CCDC191: variants seen among roughly 807,000 people sequenced by gnomAD.
The protein encoded by CCDC191 is coiled-coil domain-containing protein 191.
Under a neutral mutation model 114.0 loss-of-function variants are expected in CCDC191, and 99 were observed. That is an observed-to-expected ratio of 0.87 (90% CI 0.74 to 1.03). The LOEUF is 1.03. CCDC191 is among the 50% of genes least tolerant of loss of function. The pLI, the probability that CCDC191 is intolerant of heterozygous loss-of-function variation, is 0.00. For synonymous variants in CCDC191, 351 were observed against 376.0 expected, an observed-to-expected ratio of 0.93 and a Z score of 0.77; for missense variants, 973 against 1,087.0, an observed-to-expected ratio of 0.90 and a Z score of 1.47.
chr3:114,036,314 T>G (rs1197535675), intron 5 of CCDC191, among the ~76,000 whole-genome samples: 1 of 152,152 alleles, frequency 6.6e-6, no homozygotes, highest in African/African-American at 2.4e-5. Flanking sequence ...ATCTACGTGT[T>G]TATAATAGGA....
intron 6 of CCDC191, among the ~76,000 whole-genome samples, chr3:114,032,131 C>A (rs909460588): frequency 6.6e-6 from 1 of 151,180 alleles, no homozygotes; most frequent in Non-Finnish European, 1.5e-5. Context: ...TCCCATAGAA[C>A]GAGAAAAAAA....
At chr3:114,046,040 T>G (rs544525731) in intron 3 of CCDC191, among the ~76,000 whole-genome samples, 4 of 152,310 alleles carry the variant, frequency 2.6e-5, no homozygotes, top group African/African-American at 4.8e-5. Flanking sequence ...CAAATGGAAG[T>G]TGGCTTGTAG....
intron 13 of CCDC191, among the ~76,000 whole-genome samples, chr3:113,993,426 G>T (rs1317504878): frequency 6.6e-6 from 1 of 152,080 alleles, no homozygotes; most frequent in Non-Finnish European, 1.5e-5. Context: ...AGAACAGAGA[G>T]CCCAGAAATA....
At chr3:113,990,386 A>T (rs2075516906) in intron 13 of CCDC191, among the ~76,000 whole-genome samples, 1 of 152,082 alleles carries the variant, frequency 6.6e-6, no homozygotes, top group South Asian at 2.1e-4. Flanking sequence ...AGTTTTACTC[A>T]AGAAGAAAAA....
intron 13 of CCDC191, among the ~76,000 whole-genome samples, chr3:113,996,081 C>T (rs2075714007): frequency 6.6e-6 from 1 of 152,098 alleles, no homozygotes; most frequent in Non-Finnish European, 1.5e-5. Flanking sequence ...GGTTCCTATT[C>T]ACTTTTATGA....
chr3:114,056,319 C>T, intron 1 of CCDC191, 58 bp downstream of exon 1: 3 of 1,557,768 alleles, frequency 1.9e-6, no homozygotes, highest in Non-Finnish European at 2.7e-6. Context: ...GACTGGCTTC[C>T]TGACTGCGCC....
chr3:114,036,169 ATCTG>A (rs2107735701), intron 5 of CCDC191, among the ~76,000 whole-genome samples: 1 of 152,276 alleles, frequency 6.6e-6, no homozygotes, highest in South Asian at 2.1e-4. Context: ...TTCAATTCAG[ATCTG>A]TCTTCCATTT....
intron 7 of CCDC191, among the ~76,000 whole-genome samples, chr3:114,027,624 A>AAG (rs1559920011): frequency 2.1e-3 from 275 of 130,820 alleles, no homozygotes; most frequent in Non-Finnish European, 3.3e-3. Context: ...AAAAAAAAAG[A>AAG]AAAAAAAATC....
intron 13 of CCDC191, among the ~76,000 whole-genome samples, chr3:113,990,931 CA>C (rs35483860): frequency 0.39 from 19,350 of 49,458 alleles, 1,089 homozygotes; most frequent in East Asian, 0.44. Context: ...TAAAGCACCT[CA>C]AAAAAAAAAA....
At chr3:114,030,403 G>A (rs375634988) in intron 7 of CCDC191, among the ~76,000 whole-genome samples, 3 of 151,956 alleles carry the variant, frequency 2.0e-5, no homozygotes, top group African/African-American at 7.2e-5. Context: ...CTGAATACTC[G>A]TTTCTCTTCT....
intron 7 of CCDC191, among the ~76,000 whole-genome samples, chr3:114,021,703 C>T (rs1426887610): frequency 6.6e-6 from 1 of 152,090 alleles, no homozygotes; most frequent in Non-Finnish European, 1.5e-5. Context: ...CTTCCTGATG[C>T]TCCCAGGCCT....
rs145062166 is a variant in CCDC191, at chr3:113,978,201, G to A, written c.2591C>T (p.Ala864Val). 4.5e-3 allele frequency: 7,273 copies of A among 1,613,920 alleles called. 16 individuals are homozygous for A. Among genetic ancestry groups the A allele is most frequent in the Non-Finnish European group, 5.3e-3 (6,221 of 1,179,904 alleles). ...IDSQGKHEIA[A>V]EHSDRRILWI... is the part of the protein sequence containing the mutation. ...AAAACCTCACCTGTCACTGTGCTCC[G>A]CTGCAATCTCATGCTTGCCCTGAGA... is the stretch of plus-strand genomic sequence containing the variant. The change falls in exon 16 of 17, where the codon GCG (alanine) becomes GTG (valine). Residue 864 changes from alanine to valine, a missense_variant. Physicochemically the swap from Ala to Val is moderately conservative, Grantham distance 64. Coordinates refer to ENST00000295878, the MANE Select transcript of CCDC191 (RefSeq NM_020817.2).
intron 16 of CCDC191, among the ~76,000 whole-genome samples, chr3:113,967,974 T>G (rs987870670): frequency 2.6e-5 from 4 of 152,244 alleles, no homozygotes; most frequent in Admixed American, 2.0e-4. Context: ...GATTTCATTC[T>G]TTTTCATTAC....
rs767681602 is a variant in CCDC191, at chr3:114,053,631, G to A, written c.95C>T (p.Thr32Ile). 1.6e-5 allele frequency: 25 copies of A among 1,587,104 alleles called. No homozygotes were observed. The highest frequency in any genetic ancestry group is 2.1e-5 in the Non-Finnish European group (24 of 1,159,220). ...GTGTTCCACACTGTCAGGACCAAAA[G>A]TAGGCTGTAGATAACATATATATGA... ...RFTRKPSPKP[T>I]FGPDSVEHWI... Residue 32 changes from threonine to isoleucine, a missense_variant, in exon 2 of 17, where the codon ACT becomes ATT. By Grantham distance (89) the Thr-to-Ile change is moderately conservative (BLOSUM62 -1). Coordinates refer to ENST00000295878, the MANE Select transcript of CCDC191 (RefSeq NM_020817.2).
rs539245551 is a variant in CCDC191, at chr3:113,975,368, T to C, written c.2606+2818A>G. 1.6e-4 allele frequency among the ~76,000 whole-genome samples: 24 copies of C among 152,356 alleles called. No individual in the cohort carries two copies. In the South Asian group the frequency reaches 5.0e-3, roughly 32 times the overall value. On this transcript the variant is annotated intron_variant, in intron 16 of 16. Transcript: ENST00000295878. ...CATCCACAGCTCTTCTATATGGTAT[T>C]ATTTCATTCATATAAAATTGAATAT...
chr3:113,972,301 A>C (rs1022644615), intron 16 of CCDC191, among the ~76,000 whole-genome samples: 2 of 152,054 alleles, frequency 1.3e-5, no homozygotes, highest in African/African-American at 4.8e-5. Flanking sequence ...GTTTCAAGAA[A>C]TTTTTAAATT....
At chr3:113,974,835 G>A (rs1406276337) in intron 16 of CCDC191, among the ~76,000 whole-genome samples, 1 of 151,890 alleles carries the variant, frequency 6.6e-6, no homozygotes, top group African/African-American at 2.4e-5. Flanking sequence ...GGTTCATCTT[G>A]GCTCTAGTAA....
At chr3:114,042,571 A>T in intron 4 of CCDC191, 132 bp downstream of exon 4, 1 of 633,478 alleles carries the variant, frequency 1.6e-6, no homozygotes, top group Non-Finnish European at 2.5e-6. Flanking sequence ...ATGATAAATT[A>T]AAACCAATAA....
chr3:113,999,847 TTTAAG>T (rs1294223798), intron 13 of CCDC191, among the ~76,000 whole-genome samples: 6 of 152,244 alleles, frequency 3.9e-5, no homozygotes, highest in East Asian at 1.9e-4. Flanking sequence ...ATTTATGCTA[TTTAAG>T]TTATTTAAGT....
Sources: allele counts gnomAD v4.1 joint callset (sites outside exome capture counted in the v4.1 genomes callset), GRCh38; gene constraint gnomAD v4.1.1; transcripts MANE v1.5; gene names NCBI Gene and HGNC (gene_info 2026-07-23, HGNC 2026-07-21).